The following ZNF254 variants were observed in gnomAD, a reference collection of about 807,000 sequenced individuals.
The protein encoded by ZNF254 is CTD-2017D11.1.
Under a neutral mutation model 12.4 loss-of-function variants are expected in ZNF254, and 10 were observed. That is an observed-to-expected ratio of 0.80 (90% CI 0.50 to 1.36). The LOEUF (loss-of-function observed/expected upper bound fraction) is 1.36. Ranked by LOEUF, ZNF254 falls within the 40% of genes most tolerant of loss-of-function variation. The pLI, the probability that ZNF254 is intolerant of heterozygous loss-of-function variation, is 0.00. For missense variants in ZNF254, 996 were observed against 763.9 expected (o/e 1.30, Z -3.58); for synonymous variants, 305 against 253.4 (o/e 1.20, Z -1.93).
At chr19:24,077,843 A>C (rs1257657691) in intron 2 of ZNF254, among the ~76,000 whole-genome samples, 1 of 151,374 alleles carries the variant, frequency 6.6e-6, no homozygotes, top group Non-Finnish European at 1.5e-5. Context: ...CCTGGAGGTC[A>C]CCTCCTGGCA....
intron 2 of ZNF254, among the ~76,000 whole-genome samples, chr19:24,052,449 T>TAGGAGA (rs1970685099): frequency 1.3e-5 from 2 of 152,238 alleles, no homozygotes; most frequent in Non-Finnish European, 2.9e-5. Context: ...GTGACATATC[T>TAGGAGA]TTGCATTCAT....
At chr19:24,064,881 C>A (rs1193774211) in intron 2 of ZNF254, among the ~76,000 whole-genome samples, 1 of 152,156 alleles carries the variant, frequency 6.6e-6, no homozygotes. Context: ...ATGAGACTTT[C>A]CTGTGTGGGC....
At chr19:24,102,814 A>G (rs1385025375) in intron 1 of ZNF254, among the ~76,000 whole-genome samples, 1 of 152,220 alleles carries the variant, frequency 6.6e-6, no homozygotes, top group African/African-American at 2.4e-5. Context: ...AATACAATAA[A>G]AATTCATCTA....
chr19:24,088,107 C>T (rs1972143359), intron 1 of ZNF254, among the ~76,000 whole-genome samples: 1 of 151,804 alleles, frequency 6.6e-6, no homozygotes, highest in African/African-American at 2.4e-5. Flanking sequence ...GGGGTTTTAC[C>T]ATGTTGGCCA....
intron 1 of ZNF254, among the ~76,000 whole-genome samples, chr19:24,100,506 T>C (rs1380677526): frequency 6.6e-6 from 1 of 152,160 alleles, no homozygotes; most frequent in East Asian, 1.9e-4. Context: ...TTCCTTCAAC[T>C]ATGTATTCAT....
At chr19:24,080,796 A>AT (rs1417946299) in intron 2 of ZNF254, 3 of 141,836 alleles carry the variant, frequency 2.1e-5, no homozygotes, top group African/African-American at 8.1e-5. Context: ...AAAAAAAAAA[A>AT]GGAAGCTAGA....
chr19:24,104,212 A>T (rs1451001912), intron 1 of ZNF254: 5 of 152,162 alleles, frequency 3.3e-5, no homozygotes, highest in African/African-American at 1.2e-4. Flanking sequence ...AGAGAAACTT[A>T]TATTTTTCTC....
chr19:24,101,416 C>T (rs1233947508), intron 1 of ZNF254, among the ~76,000 whole-genome samples: 1 of 152,114 alleles, frequency 6.6e-6, no homozygotes, highest in Non-Finnish European at 1.5e-5. Flanking sequence ...GAGAGTGTGG[C>T]TCTTTGACCT....
intron 1 of ZNF254, among the ~76,000 whole-genome samples, chr19:24,093,285 CTTTAG>C (rs1670977057): frequency 6.6e-6 from 1 of 151,996 alleles, no homozygotes; most frequent in Non-Finnish European, 1.5e-5. Context: ...TGAAGAAGCT[CTTTAG>C]TTTAATTAGG....
chr19:24,119,733 A>G (rs1347675689), intron 3 of ZNF254, among the ~76,000 whole-genome samples: 1 of 151,926 alleles, frequency 6.6e-6, no homozygotes, highest in African/African-American at 2.4e-5. Context: ...TCCAGTGAAC[A>G]CCCCACTTTA....
intron 2 of ZNF254, among the ~76,000 whole-genome samples, chr19:24,063,492 G>A (rs1412005912): frequency 6.6e-6 from 1 of 152,150 alleles, no homozygotes; most frequent in Non-Finnish European, 1.5e-5. Context: ...ACATATTGCT[G>A]GGCCTATGTT....
chr19:24,089,739 A>G (rs1183039542), intron 1 of ZNF254, among the ~76,000 whole-genome samples: 1 of 151,970 alleles, frequency 6.6e-6, no homozygotes, highest in African/African-American at 2.4e-5. Flanking sequence ...AGACATTAAT[A>G]TTGTCTTCAC....
intron 1 of ZNF254, among the ~76,000 whole-genome samples, chr19:24,091,137 C>T (rs1410780501): frequency 6.6e-6 from 1 of 151,544 alleles, no homozygotes; most frequent in Admixed American, 6.6e-5. Context: ...TTAGTAGAGA[C>T]AGGGTTTCAC....
At chr19:24,118,277 C>G (rs1461510121) in intron 3 of ZNF254, among the ~76,000 whole-genome samples, 1 of 151,458 alleles carries the variant, frequency 6.6e-6, no homozygotes, top group South Asian at 2.1e-4. Context: ...TGGTCTTGAA[C>G]TCCTGACCTC....
chr19:24,063,419 G>T (rs1236128564), intron 2 of ZNF254, among the ~76,000 whole-genome samples: 1 of 152,184 alleles, frequency 6.6e-6, no homozygotes, highest in African/African-American at 2.4e-5. Context: ...ACATTGCTTG[G>T]TGTTGCACCC....
chr19:24,123,508 T>C (rs140694166), intron 3 of ZNF254, among the ~76,000 whole-genome samples: 49 of 152,280 alleles, frequency 3.2e-4, no homozygotes, highest in African/African-American at 1.1e-3. Flanking sequence ...TATTAAAATA[T>C]CTTGCTATAA....
At chr19:24,041,516 G>C (rs571529322) in intron 1 of ZNF254, among the ~76,000 whole-genome samples, 4 of 152,256 alleles carry the variant, frequency 2.6e-5, no homozygotes, top group Admixed American at 6.5e-5. Context: ...CCGGCGCTAC[G>C]CTCGATTTCT....
At chr19:24,033,679 A>ACTGC in intron 1 of ZNF254, 8 of 310,702 alleles carry the variant, frequency 2.6e-5, no homozygotes, top group South Asian at 2.0e-4. Context: ...AACCGGCGGG[A>ACTGC]CTGCCTTCGT....
At chr19:24,105,762 C>T in intron 1 of ZNF254, 178 bp from the exon 2 acceptor site, 1 of 1,043,942 alleles carries the variant, frequency 9.6e-7, no homozygotes, top group Non-Finnish European at 1.3e-6. Flanking sequence ...ACTCTATTTT[C>T]TCAGAGTTAG....
Sources: gnomAD v4.1 joint callset for allele counts (sites outside exome capture counted in the v4.1 genomes callset) on GRCh38, gnomAD v4.1.1 for gene constraint, MANE v1.5 for transcripts, NCBI Gene and HGNC (gene_info 2026-07-23, HGNC 2026-07-21) for gene names.